The following FRY variants were observed in gnomAD, a reference collection of about 807,000 sequenced individuals.
The protein encoded by FRY is protein furry homolog.
Under a neutral mutation model 348.4 loss-of-function variants are expected in FRY, and 128 were observed. That is an observed-to-expected ratio of 0.37 (90% CI 0.32 to 0.43). FRY has a LOEUF of 0.43. FRY is among the 20% of genes least tolerant of loss of function. The pLI is 1.00. For synonymous variants in FRY, 1,370 were observed against 1,374.7 expected (o/e 1.00, Z 0.08); for missense variants, 2,736 against 3,695.2 (o/e 0.74, Z 6.73).
At chr13:32,145,926 TC>T (rs1880415199) in intron 11 of FRY, among the ~76,000 whole-genome samples, 1 of 152,154 alleles carries the variant, frequency 6.6e-6, no homozygotes, top group Non-Finnish European at 1.5e-5. Flanking sequence ...ACATTGGACT[TC>T]CTCTGTGGTC....
chr13:32,156,028 A>G (rs1881084191), intron 15 of FRY, among the ~76,000 whole-genome samples: 1 of 152,176 alleles, frequency 6.6e-6, no homozygotes, highest in Non-Finnish European at 1.5e-5. Context: ...TTAAATTTAA[A>G]CATGTTAAAT....
chr13:32,235,980 T>C, intron 42 of FRY, 98 bp from the exon 43 acceptor site: 1 of 896,898 alleles, frequency 1.1e-6, no homozygotes, highest in Non-Finnish European at 1.8e-6. Flanking sequence ...AAAGCAGCAA[T>C]AACATTATTG....
intron 1 of FRY, among the ~76,000 whole-genome samples, chr13:32,044,609 G>C (rs1336652038): frequency 6.6e-6 from 1 of 152,148 alleles, no homozygotes; most frequent in Non-Finnish European, 1.5e-5. Flanking sequence ...AGCCCAGTTA[G>C]AGCCACTCCC....
At chr13:32,133,768 C>T (rs201210968) in intron 8 of FRY, among the ~76,000 whole-genome samples, 5,615 of 89,576 alleles carry the variant, frequency 0.063, 298 homozygotes, top group Middle Eastern at 0.098. Context: ...TTCTTTCTTT[C>T]TTTTTTTTTT....
rs557033110 is a variant in FRY, at chr13:32,166,972, A to G, written c.1893-4040A>G. Among the ~76,000 whole-genome samples the G allele has an allele frequency of 2.6e-5, 4 of 152,336 alleles. No homozygotes were observed. The East Asian group carries it at 7.7e-4, about 29-fold the overall frequency. ...TTTAAGAGACATGGCCACCAAGAAT[A>G]GCAAGGACTACACTGCCCTGGGGCT... On this transcript the variant is annotated intron_variant, in intron 17 of 60. Coordinates refer to ENST00000542859, the MANE Select transcript of FRY (RefSeq NM_023037.3).
intron 15 of FRY, among the ~76,000 whole-genome samples, chr13:32,156,627 G>T: frequency 6.8e-6 from 1 of 148,004 alleles, no homozygotes; most frequent in South Asian, 2.1e-4. Flanking sequence ...AAAAACAGAT[G>T]TAATGCATGA....
chr13:32,230,329 T>C (rs1423150930), intron 40 of FRY, among the ~76,000 whole-genome samples: 2 of 152,234 alleles, frequency 1.3e-5, no homozygotes, highest in African/African-American at 4.8e-5. Flanking sequence ...TATTTGGTTG[T>C]CTGTTCCTGC....
intron 59 of FRY, among the ~76,000 whole-genome samples, chr13:32,291,247 T>C (rs1447829653): frequency 6.6e-6 from 1 of 152,158 alleles, no homozygotes; most frequent in Non-Finnish European, 1.5e-5. Context: ...AGGAAAAAAC[T>C]ATACGACTTT....
intron 23 of FRY, 128 bp downstream of exon 23, chr13:32,179,927 C>T (rs896886699): frequency 1.1e-6 from 1 of 876,016 alleles, no homozygotes; most frequent in African/African-American, 1.7e-5. Flanking sequence ...GTGTGACTTC[C>T]CACTACATCG....
intron 28 of FRY, 66 bp from the exon 29 acceptor site, chr13:32,194,077 C>T (rs1883527432): frequency 3.5e-6 from 5 of 1,441,930 alleles, no homozygotes; most frequent in Non-Finnish European, 4.9e-6. Flanking sequence ...TAAGCTTTAT[C>T]TGTATCTTTC....
Position 32,210,990 on chromosome 13 carries a change from T to C in FRY, c.4547T>C (p.Phe1516Ser), listed in dbSNP as rs376755314. The stretch of plus-strand genomic sequence containing the variant: ...GTCCAGCATTGTGACAACCCGCCCT[T>C]CTACCGCTTCACGGCCAGTAGCAAG... ...PIVQHCDNPP[F>S]YRFTASSKAS... is the part of the protein sequence containing the mutation. The change falls in exon 34 of 61, where the codon TTC becomes TCC. Residue 1516 changes from phenylalanine (F) to serine (S), a missense_variant. Physicochemically the swap from Phe to Ser is radical, Grantham distance 155 (BLOSUM62 -2). This residue lies in a region of FRY where 794 missense variants were observed against 977.0 expected (regional missense o/e 0.81). Coordinates refer to ENST00000542859, the MANE Select transcript of FRY (RefSeq NM_023037.3). The C allele has an allele frequency of 5.0e-5, 81 of 1,613,890 alleles. No homozygotes were observed. The highest frequency in any genetic ancestry group is 6.8e-5 in the Non-Finnish European group (80 of 1,179,868).
chr13:32,140,738 G>T (rs1034539143), intron 11 of FRY, among the ~76,000 whole-genome samples: 8 of 152,176 alleles, frequency 5.3e-5, no homozygotes, highest in Non-Finnish European at 5.9e-5. Flanking sequence ...AAGTGTGGTT[G>T]CCATAAATAT....
intron 59 of FRY, among the ~76,000 whole-genome samples, chr13:32,291,013 G>A (rs960728475): frequency 6.6e-6 from 1 of 152,054 alleles, no homozygotes; most frequent in South Asian, 2.1e-4. Flanking sequence ...GGCTTAAACG[G>A]CGACTGACCT....
Position 32,124,875 on chromosome 13 carries a change from A to G in FRY, c.716A>G (p.Lys239Arg), listed in dbSNP as rs1878928615. The G allele has an allele frequency of 6.2e-7, 1 of 1,602,732 alleles. No individual in the cohort carries two copies. The change falls in exon 7 of 61, where the codon AAA becomes AGA. Residue 239 changes from lysine (K) to arginine (R), a missense_variant and splice_region_variant. By Grantham distance (26) the Lys-to-Arg change is conservative (BLOSUM62 2). Coordinates refer to ENST00000542859, the MANE Select transcript of FRY (RefSeq NM_023037.3). ...GTCATTGGAGTGTTGGCACAAGCCAAGTAAGTGAATGCCAGAACCCTTTAC... is the reference window on the plus strand; with the variant it reads ...GTCATTGGAGTGTTGGCACAAGCCAGGTAAGTGAATGCCAGAACCCTTTAC... ...AEVIGVLAQA[K>R]FPAVKKKFMA...
chr13:32,145,933 T>C (rs893487532), intron 11 of FRY, among the ~76,000 whole-genome samples: 1 of 152,178 alleles, frequency 6.6e-6, no homozygotes, highest in African/African-American at 2.4e-5. Flanking sequence ...ACTTCCTCTG[T>C]GGTCTCTCTG....
intron 41 of FRY, among the ~76,000 whole-genome samples, chr13:32,231,911 C>T (rs1261381140): frequency 6.6e-6 from 1 of 152,068 alleles, no homozygotes; most frequent in Non-Finnish European, 1.5e-5. Context: ...TTTTTTTCCT[C>T]ACACCAGGCT....
chr13:32,255,290 CA>C (rs1440825537), intron 51 of FRY, among the ~76,000 whole-genome samples: 13 of 152,184 alleles, frequency 8.5e-5, no homozygotes, highest in African/African-American at 2.9e-4. Flanking sequence ...ATTGAAGAGG[CA>C]GGCCTAGATC....
intron 3 of FRY, among the ~76,000 whole-genome samples, chr13:32,117,041 A>G (rs1878344266): frequency 6.6e-6 from 1 of 152,318 alleles, no homozygotes; most frequent in Admixed American, 6.5e-5. Flanking sequence ...GGAACATAAT[A>G]TCTTTGCAGT....
chr13:32,155,051 G>C (rs999556266), intron 14 of FRY, among the ~76,000 whole-genome samples: 1 of 152,212 alleles, frequency 6.6e-6, no homozygotes, highest in African/African-American at 2.4e-5. Flanking sequence ...AGCGGGTGAT[G>C]TTCATTTTAT....
Sources: allele counts gnomAD v4.1 joint callset (sites outside exome capture counted in the v4.1 genomes callset), GRCh38; gene constraint gnomAD v4.1.1; regional missense constraint gnomAD v4.1.1; transcripts MANE v1.5; gene names NCBI Gene and HGNC (gene_info 2026-07-23, HGNC 2026-07-21).